Variants in KCNIP4 observed in about 807,000 individuals in gnomAD.
KCNIP4 encodes Kv channel-interacting protein 4.
A neutral mutation model predicts 34.0 loss-of-function variants in KCNIP4; 12 were observed. That is an observed-to-expected ratio of 0.35 (90% CI 0.23 to 0.57). The LOEUF (loss-of-function observed/expected upper bound fraction) is 0.57, where lower values mean the gene tolerates loss of function less well. Ranked by LOEUF, KCNIP4 falls within the 20% of genes least tolerant of loss-of-function variation. KCNIP4 has a pLI of 0.83. For missense variants in KCNIP4, 238 were observed against 311.7 expected (o/e 0.76, Z 1.78); for synonymous variants, 124 against 102.2 (o/e 1.21, Z -1.29).
intron 3 of KCNIP4, among the ~76,000 whole-genome samples, chr4:20,788,466 A>C (rs1712294918): frequency 6.6e-6 from 1 of 152,190 alleles, no homozygotes. Context: ...AGTTCATGGC[A>C]GAAGAAGAGC....
intron 2 of KCNIP4, among the ~76,000 whole-genome samples, chr4:20,861,403 C>A (rs1349679881): frequency 6.6e-6 from 1 of 152,136 alleles, no homozygotes; most frequent in African/African-American, 2.4e-5. Flanking sequence ...CACACACAGG[C>A]TGCAAGTAGA....
intron 1 of KCNIP4, among the ~76,000 whole-genome samples, chr4:21,339,268 A>G (rs1425758225): frequency 6.6e-6 from 1 of 152,208 alleles, no homozygotes; most frequent in Non-Finnish European, 1.5e-5. Flanking sequence ...AGTAACTGTA[A>G]TAAGAATGAG....
At chr4:21,451,508 A>T (rs556781207) in intron 1 of KCNIP4, among the ~76,000 whole-genome samples, 4 of 152,198 alleles carry the variant, frequency 2.6e-5, no homozygotes, top group Non-Finnish European at 4.4e-5. Flanking sequence ...TCATTTGTAA[A>T]ATAGAAATGA....
chr4:21,778,270 T>C (rs1371740532), intron 1 of KCNIP4, among the ~76,000 whole-genome samples: 18 of 140,912 alleles, frequency 1.3e-4, no homozygotes, highest in Non-Finnish European at 2.4e-4. Flanking sequence ...GGTTTCACTC[T>C]TTCGCCCAGG....
intron 1 of KCNIP4, among the ~76,000 whole-genome samples, chr4:21,586,958 G>T (rs1391930031): frequency 1.3e-5 from 2 of 152,012 alleles, no homozygotes; most frequent in Non-Finnish European, 2.9e-5. Context: ...ATAACAAAAA[G>T]CAAAAGCTGT....
chr4:21,773,198 T>C (rs1718923477), intron 1 of KCNIP4, among the ~76,000 whole-genome samples: 2 of 152,204 alleles, frequency 1.3e-5, no homozygotes, highest in Non-Finnish European at 1.5e-5. Flanking sequence ...AAGAGCAGGC[T>C]GTCCAATTTC....
intron 1 of KCNIP4, among the ~76,000 whole-genome samples, chr4:21,139,671 A>G (rs1207945991): frequency 1.3e-5 from 2 of 152,140 alleles, no homozygotes; most frequent in Admixed American, 6.5e-5. Flanking sequence ...TGCCCCTGGA[A>G]TTGGCTGAGG....
chr4:21,240,434 C>T (rs1242661595), intron 1 of KCNIP4, among the ~76,000 whole-genome samples: 1 of 152,002 alleles, frequency 6.6e-6, no homozygotes, highest in Non-Finnish European at 1.5e-5. Context: ...AGGATTCCTG[C>T]ATTCTTTTAA....
chr4:21,714,069 C>T (rs13123486), intron 1 of KCNIP4, among the ~76,000 whole-genome samples: 2,384 of 152,068 alleles, frequency 0.016, 33 homozygotes, highest in South Asian at 0.071. Flanking sequence ...TTTATTTTTC[C>T]CTGGAAACCT....
chr4:20,812,590 G>A (rs1263396861), intron 3 of KCNIP4, among the ~76,000 whole-genome samples: 4 of 152,142 alleles, frequency 2.6e-5, no homozygotes, highest in South Asian at 2.1e-4. Context: ...GGATGAACAC[G>A]TGATTGATCT....
intron 1 of KCNIP4, among the ~76,000 whole-genome samples, chr4:21,385,696 A>T (rs1721965010): frequency 6.6e-6 from 1 of 152,188 alleles, no homozygotes; most frequent in South Asian, 2.1e-4. Context: ...TCACCATCAT[A>T]TCCCTTATCA....
chr4:20,869,827 T>G (rs1460278990), intron 2 of KCNIP4, among the ~76,000 whole-genome samples: 1 of 152,096 alleles, frequency 6.6e-6, no homozygotes, highest in Non-Finnish European at 1.5e-5. Flanking sequence ...CAGCACTTTC[T>G]GAGTTTGAAT....
chr4:21,037,999 T>C (rs1216011894), intron 1 of KCNIP4, among the ~76,000 whole-genome samples: 2 of 152,208 alleles, frequency 1.3e-5, no homozygotes, highest in African/African-American at 4.8e-5. Context: ...TTGTTTTTCC[T>C]TTGAGACGGA....
chr4:21,352,639 G>A (rs536763240), intron 1 of KCNIP4, among the ~76,000 whole-genome samples: 12 of 152,364 alleles, frequency 7.9e-5, no homozygotes, highest in East Asian at 1.9e-4. Flanking sequence ...TGAACTGGGC[G>A]GAGCCCACCA....
At chr4:20,802,385 C>A (rs1397350181) in intron 3 of KCNIP4, among the ~76,000 whole-genome samples, 1 of 151,170 alleles carries the variant, frequency 6.6e-6, no homozygotes, top group Non-Finnish European at 1.5e-5. Flanking sequence ...ACCTGAAGAG[C>A]AAAATAGAAA....
chr4:21,811,125 C>T (rs1043447426), intron 1 of KCNIP4, among the ~76,000 whole-genome samples: 4 of 152,074 alleles, frequency 2.6e-5, no homozygotes, highest in Non-Finnish European at 5.9e-5. Context: ...AAACACATGG[C>T]AAAAGTAACA....
intron 1 of KCNIP4, among the ~76,000 whole-genome samples, chr4:21,037,851 A>T (rs1366543668): frequency 1.3e-5 from 2 of 152,218 alleles, no homozygotes; most frequent in African/African-American, 4.8e-5. Context: ...CCTCAAATGA[A>T]GAGAATTATT....
chr4:21,691,326 C>A (rs949940110), intron 1 of KCNIP4, among the ~76,000 whole-genome samples: 2 of 152,122 alleles, frequency 1.3e-5, no homozygotes, highest in Non-Finnish European at 2.9e-5. Flanking sequence ...TATTCCTGTA[C>A]TCAAGGCCAC....
intron 1 of KCNIP4, among the ~76,000 whole-genome samples, chr4:21,700,765 A>G (rs1477287851): frequency 6.6e-6 from 1 of 152,052 alleles, no homozygotes; most frequent in Non-Finnish European, 1.5e-5. Context: ...TTGAGTTAAT[A>G]TTTTTGTATA....
Sources: allele counts gnomAD v4.1 joint callset (sites outside exome capture counted in the v4.1 genomes callset), GRCh38; gene constraint gnomAD v4.1.1; transcripts MANE v1.5; gene names NCBI Gene and HGNC (gene_info 2026-07-23, HGNC 2026-07-21).